The following GPC5 variants were observed in gnomAD, a reference collection of about 807,000 sequenced individuals.
GPC5 encodes the protein glypican 5.
Under a neutral mutation model 53.9 loss-of-function variants are expected in GPC5, and 47 were observed. The ratio of observed to expected loss-of-function variants is 0.87; its 90% CI spans 0.69 to 1.11. The LOEUF (loss-of-function observed/expected upper bound fraction) is 1.11, where lower values mean the gene tolerates loss of function less well. Ranked by LOEUF, GPC5 falls within the 50% of genes most tolerant of loss-of-function variation. The pLI, the probability that GPC5 is intolerant of heterozygous loss-of-function variation, is 0.00. For missense variants in GPC5, 748 were observed against 713.1 expected (o/e 1.05, Z -0.56); for synonymous variants, 286 against 263.3 (o/e 1.09, Z -0.84).
At chr13:91,482,474 C>T (rs1036020290) in intron 2 of GPC5, among the ~76,000 whole-genome samples, 8 of 152,168 alleles carry the variant, frequency 5.3e-5, no homozygotes, top group South Asian at 2.1e-4. Context: ...CAGCCCACCT[C>T]GTCAGCTATG....
intron 7 of GPC5, among the ~76,000 whole-genome samples, chr13:92,799,617 A>T (rs975718948): frequency 6.6e-6 from 1 of 151,836 alleles, no homozygotes; most frequent in African/African-American, 2.4e-5. Flanking sequence ...TAAATGGGTA[A>T]AAAGTTTCAG....
chr13:92,216,136 T>A (rs1264527588), intron 7 of GPC5, among the ~76,000 whole-genome samples: 1 of 152,204 alleles, frequency 6.6e-6, no homozygotes, highest in Non-Finnish European at 1.5e-5. Context: ...CAGTGTAATT[T>A]AGCCTAAGTC....
chr13:92,286,236 G>A (rs7993524), intron 7 of GPC5, among the ~76,000 whole-genome samples: 65,053 of 151,930 alleles, frequency 0.43, 15,131 homozygotes, highest in African/African-American at 0.62. Context: ...TCAGGAAACA[G>A]CAGGTGCTGG....
At chr13:92,723,613 T>C (rs1335152921) in intron 7 of GPC5, among the ~76,000 whole-genome samples, 1 of 151,704 alleles carries the variant, frequency 6.6e-6, no homozygotes, top group Non-Finnish European at 1.5e-5. Flanking sequence ...TTTCACAATA[T>C]ATCCTTATAG....
chr13:92,556,929 C>T (rs1566292304), intron 7 of GPC5, among the ~76,000 whole-genome samples: 1 of 151,778 alleles, frequency 6.6e-6, no homozygotes, highest in South Asian at 2.1e-4. Context: ...CCCCTATAAA[C>T]AGGAGAGGAA....
intron 7 of GPC5, among the ~76,000 whole-genome samples, chr13:92,483,734 G>A (rs371332890): frequency 1.4e-4 from 21 of 150,808 alleles, no homozygotes; most frequent in African/African-American, 5.1e-4. Flanking sequence ...AAAACATACT[G>A]TACAGTTATA....
intron 7 of GPC5, among the ~76,000 whole-genome samples, chr13:92,623,278 G>A (rs777008617): frequency 1.1e-4 from 17 of 152,176 alleles, no homozygotes; most frequent in Non-Finnish European, 2.2e-4. Context: ...TGAAGTGGTT[G>A]CACGGCTCAT....
intron 6 of GPC5, among the ~76,000 whole-genome samples, chr13:91,993,953 A>G (rs58841974): frequency 0.083 from 12,569 of 152,258 alleles, 1,771 homozygotes; most frequent in African/African-American, 0.28. Context: ...AAGTAAGCCA[A>G]TTTAATAAAA....
intron 7 of GPC5, among the ~76,000 whole-genome samples, chr13:92,416,751 C>T (rs779945505): frequency 6.6e-6 from 1 of 152,052 alleles, no homozygotes; most frequent in Non-Finnish European, 1.5e-5. Context: ...AAAGTTTGTG[C>T]TTCAAAGGAT....
chr13:92,178,903 G>A (rs2042127246), intron 7 of GPC5, among the ~76,000 whole-genome samples: 1 of 152,086 alleles, frequency 6.6e-6, no homozygotes, highest in Admixed American at 6.5e-5. Flanking sequence ...CCCAGGAGGT[G>A]GAGGTTGCAG....
At chr13:91,875,206 A>G (rs1336323456) in intron 5 of GPC5, among the ~76,000 whole-genome samples, 1 of 152,184 alleles carries the variant, frequency 6.6e-6, no homozygotes, top group Non-Finnish European at 1.5e-5. Flanking sequence ...CAAAGCAGAA[A>G]TATTAGGTTT....
At chr13:92,325,973 A>G (rs2043248022) in intron 7 of GPC5, among the ~76,000 whole-genome samples, 1 of 152,074 alleles carries the variant, frequency 6.6e-6, no homozygotes, top group Non-Finnish European at 1.5e-5. Context: ...CCAATGGTAC[A>G]TTTAAATGTG....
intron 7 of GPC5, among the ~76,000 whole-genome samples, chr13:92,579,242 TC>T (rs1883286508): frequency 3.0e-5 from 2 of 66,604 alleles, no homozygotes; most frequent in African/African-American, 1.3e-4. Context: ...ATTTATGCTC[TC>T]TCCCTCCCTC....
chr13:92,694,470 C>A (rs1242077543), intron 7 of GPC5, among the ~76,000 whole-genome samples: 1 of 152,154 alleles, frequency 6.6e-6, no homozygotes, highest in Admixed American at 6.5e-5. Flanking sequence ...CATTAGCATC[C>A]CTTGATGCAA....
rs74321590 is a variant in GPC5, at chr13:92,221,294, C to T, written c.1561+76305C>T. On this transcript the variant is annotated intron_variant, in intron 7 of 7. Coordinates refer to ENST00000377067, the MANE Select transcript of GPC5 (RefSeq NM_004466.6). Reference sequence around the variant, plus strand: ...TCAGACTGAGCGTTTTCTGAAAATACGCTATAGTTCATCCAACTTTCTATT... The same window carrying T: ...TCAGACTGAGCGTTTTCTGAAAATATGCTATAGTTCATCCAACTTTCTATT... 4.7e-3 allele frequency among the ~76,000 whole-genome samples: 721 copies of T among 152,224 alleles called. 2 individuals carry two copies. The highest frequency in any genetic ancestry group is 0.016 in the African/African-American group (661 of 41,550).
At chr13:91,955,743 C>T (rs2040067133) in intron 6 of GPC5, among the ~76,000 whole-genome samples, 1 of 152,222 alleles carries the variant, frequency 6.6e-6, no homozygotes, top group African/African-American at 2.4e-5. Context: ...ATTCCACACT[C>T]TCCCTGAATT....
intron 7 of GPC5, among the ~76,000 whole-genome samples, chr13:92,319,634 C>G (rs1054008030): frequency 1.3e-5 from 2 of 152,010 alleles, no homozygotes; most frequent in Admixed American, 1.3e-4. Flanking sequence ...TATGATTACT[C>G]TAGTGATAAT....
At chr13:92,799,680 A>T (rs1876829847) in intron 7 of GPC5, among the ~76,000 whole-genome samples, 2 of 151,682 alleles carry the variant, frequency 1.3e-5, no homozygotes, top group Non-Finnish European at 2.9e-5. Context: ...TTAGTCCTTT[A>T]CCAATGCCTG....
intron 7 of GPC5, among the ~76,000 whole-genome samples, chr13:92,801,813 C>A (rs556552374): frequency 9.9e-5 from 15 of 151,452 alleles, no homozygotes; most frequent in South Asian, 2.1e-4. Flanking sequence ...GAAAAAATTT[C>A]ATTGAATAAG....
Sources: allele counts gnomAD v4.1 joint callset (sites outside exome capture counted in the v4.1 genomes callset), GRCh38; gene constraint gnomAD v4.1.1; transcripts MANE v1.5; gene names NCBI Gene and HGNC (gene_info 2026-07-23, HGNC 2026-07-21).